ANK3: variants seen among roughly 807,000 people sequenced by gnomAD.
ANK3 encodes ankyrin-3.
A neutral mutation model predicts 370.9 loss-of-function variants in ANK3; 57 were observed. The observed-to-expected ratio is 0.15, with a 90% CI of 0.12 to 0.19. The LOEUF is 0.19. Ranked by LOEUF, ANK3 falls within the 10% of genes least tolerant of loss-of-function variation. ANK3 has a pLI of 1.00. For missense variants in ANK3, 4,439 were observed against 5,302.1 expected, an observed-to-expected ratio of 0.84 and a Z score of 5.06; for synonymous variants, 1,929 against 1,946.3, an observed-to-expected ratio of 0.99 and a Z score of 0.23.
chr10:60,227,104 G>A (rs1565828093), intron 8 of ANK3, among the ~76,000 whole-genome samples: 1 of 151,826 alleles, frequency 6.6e-6, no homozygotes, highest in East Asian at 1.9e-4. Context: ...ACAAAGTTAT[G>A]TCAGCTTTCG....
intron 1 of ANK3, among the ~76,000 whole-genome samples, chr10:60,697,889 C>A (rs955926755): frequency 2.4e-4 from 36 of 151,054 alleles, no homozygotes; most frequent in African/African-American, 3.4e-4. Context: ...GCAACAAAAG[C>A]CAAAATTGAC....
intron 1 of ANK3, among the ~76,000 whole-genome samples, chr10:60,311,529 T>C (rs1013717329): frequency 1.3e-5 from 2 of 150,280 alleles, no homozygotes; most frequent in Non-Finnish European, 3.0e-5. Flanking sequence ...TAGTTCCTTC[T>C]AGAAAATTTT....
intron 38 of ANK3, among the ~76,000 whole-genome samples, chr10:60,067,501 T>G (rs1227605225): frequency 6.6e-6 from 1 of 152,226 alleles, no homozygotes; most frequent in East Asian, 1.9e-4. Context: ...CTAAAATTTG[T>G]GCAGCCTAGG....
At chr10:60,300,770 C>G (rs2043524913) in intron 1 of ANK3, among the ~76,000 whole-genome samples, 1 of 152,122 alleles carries the variant, frequency 6.6e-6, no homozygotes, top group Admixed American at 6.6e-5. Context: ...TCTGACATTC[C>G]TTCTAAAGAC....
rs559693253 is a variant in ANK3 at position 60,701,136 on chromosome 10, T to C, written c.57+32127A>G. On this transcript the variant is annotated intron_variant, in intron 1 of 43. Coordinates refer to the ANK3 transcript ENST00000373827. ...GAGTGAGAAAAATTGCTCTTACTTA[T>C]ATGAAAAAAAGGTTTAACATTTCTC... Among the ~76,000 whole-genome samples, 11 of 151,854 alleles carry C rather than the reference T, an allele frequency of 7.2e-5. No individual in the cohort carries two copies. The South Asian group carries it at 8.3e-4, about 11-fold the overall frequency.
At chr10:60,077,957 C>T (rs1317250687) in intron 36 of ANK3, among the ~76,000 whole-genome samples, 1 of 152,208 alleles carries the variant, frequency 6.6e-6, no homozygotes. Flanking sequence ...AGTAAGCACA[C>T]TTGCTGGGGA....
In ANK3 at chr10:60,070,368, G is replaced by A; in HGVS notation, c.10513C>T (p.Leu3505=). The part of the protein sequence containing the change: ...DQKSGAQFFT[L]EGRHPDRSVF... ...GATCTGTCAGGATGTCTGCCTTCCA[G>A]TGTGAAGAACTGGGCCCCTGACTTC... The change falls in exon 37 of 44, where the codon CTG becomes TTG. Residue 3505 remains leucine (L), a synonymous_variant. Transcript: ENST00000280772. The surrounding 1 kb of genome is among the most constrained non-coding windows in gnomAD (Gnocchi z 5.7). 2 of 1,614,076 alleles carry A rather than the reference G, an allele frequency of 1.2e-6. No individual in the cohort carries two copies. The highest frequency in any genetic ancestry group is 1.7e-6 in the Non-Finnish European group (2 of 1,179,998).
At chr10:60,299,285 T>A (rs371048077) in intron 1 of ANK3, among the ~76,000 whole-genome samples, 1 of 152,204 alleles carries the variant, frequency 6.6e-6, no homozygotes, top group Admixed American at 6.5e-5. Flanking sequence ...AGTACAAAGA[T>A]GAAAACTGAA....
chr10:60,226,639 T>C (rs1215727975), intron 8 of ANK3, among the ~76,000 whole-genome samples: 1 of 89,680 alleles, frequency 1.1e-5, no homozygotes, highest in African/African-American at 3.3e-5. Flanking sequence ...TTATATATAG[T>C]ATAGATAATA....
intron 37 of ANK3, 50 bp from the exon 38 acceptor site, chr10:60,068,059 A>G: frequency 6.4e-7 from 1 of 1,553,214 alleles, no homozygotes; most frequent in Non-Finnish European, 8.9e-7. Context: ...AAGATACGAT[A>G]CTGGAAAATT....
chr10:60,723,493 C>T (rs527503126), intron 1 of ANK3, among the ~76,000 whole-genome samples: 1 of 152,284 alleles, frequency 6.6e-6, no homozygotes, highest in Non-Finnish European at 1.5e-5. Context: ...CACCTGTATG[C>T]CACTCATAAA....
chr10:60,036,400 C>A (rs372253959), intron 43 of ANK3, among the ~76,000 whole-genome samples: 11 of 133,112 alleles, frequency 8.3e-5, no homozygotes, highest in African/African-American at 3.1e-4. Flanking sequence ...TGGAGCTCTG[C>A]GGAAGAGAGA....
At chr10:60,597,147 TAC>T in intron 2 of ANK3, among the ~76,000 whole-genome samples, 1 of 152,298 alleles carries the variant, frequency 6.6e-6, no homozygotes. Context: ...ACTGTTCTTT[TAC>T]AGAGTTTTAG....
At chr10:60,603,013 G>A (rs1480041748) in intron 2 of ANK3, among the ~76,000 whole-genome samples, 5 of 152,064 alleles carry the variant, frequency 3.3e-5, no homozygotes, top group Non-Finnish European at 7.4e-5. Flanking sequence ...TGAGAGTTTA[G>A]TACATGATGC....
At chr10:60,246,574 A>G (rs1303213279) in intron 7 of ANK3, among the ~76,000 whole-genome samples, 3 of 152,234 alleles carry the variant, frequency 2.0e-5, no homozygotes, top group Non-Finnish European at 4.4e-5. Context: ...GACACCTGAT[A>G]GTGCTGGCCT....
chr10:60,250,534 T>G (rs919506038), intron 7 of ANK3, among the ~76,000 whole-genome samples: 2 of 152,000 alleles, frequency 1.3e-5, no homozygotes, highest in Admixed American at 6.6e-5. Context: ...CCAGCTAATT[T>G]TTTTGTATTT....
At chr10:60,596,081 AG>A (rs1301358322) in intron 2 of ANK3, among the ~76,000 whole-genome samples, 3 of 152,178 alleles carry the variant, frequency 2.0e-5, no homozygotes, top group Admixed American at 6.6e-5. Context: ...CCCTGCTAAG[AG>A]GCTCAGTGAG....
intron 1 of ANK3, among the ~76,000 whole-genome samples, chr10:60,289,194 T>C: frequency 6.6e-6 from 1 of 151,662 alleles, no homozygotes; most frequent in South Asian, 2.1e-4. Context: ...AAGATTAAGA[T>C]CTCAAGGCCA....
intron 2 of ANK3, among the ~76,000 whole-genome samples, chr10:60,511,913 T>G (rs1488998718): frequency 6.6e-6 from 1 of 152,038 alleles, no homozygotes; most frequent in Non-Finnish European, 1.5e-5. Context: ...TTTAAAGGTC[T>G]CAATTCTTGA....
Sources: allele counts gnomAD v4.1 joint callset (sites outside exome capture counted in the v4.1 genomes callset), GRCh38; gene constraint gnomAD v4.1.1; non-coding constraint Gnocchi (gnomAD v3.1); transcripts MANE v1.5; gene names NCBI Gene and HGNC (gene_info 2026-07-23, HGNC 2026-07-21).